The following TIA1 variants were observed in gnomAD, a reference collection of about 807,000 sequenced individuals.
The protein encoded by TIA1 is TIA1 cytotoxic granule associated RNA binding protein, also known as cytotoxic granule associated RNA binding protein TIA1.
TIA1 carries 23 observed loss-of-function variants against 65.9 expected under a neutral mutation model. That is an observed-to-expected ratio of 0.35 (90% CI 0.25 to 0.49). The LOEUF (loss-of-function observed/expected upper bound fraction) is 0.49. TIA1 is among the 20% of genes least tolerant of loss of function. The pLI is 0.98. For missense variants in TIA1, 371 were observed against 477.9 expected (o/e 0.78, Z 2.09); for synonymous variants, 147 against 149.4 (o/e 0.98, Z 0.12).
chr2:70,239,434 T>A (rs1415738023), intron 1 of TIA1, among the ~76,000 whole-genome samples: 1 of 151,982 alleles, frequency 6.6e-6, no homozygotes, highest in Non-Finnish European at 1.5e-5. Flanking sequence ...GATTTTGAGA[T>A]GAGATTACCT....
intron 1 of TIA1, among the ~76,000 whole-genome samples, chr2:70,242,860 A>G (rs763675556): frequency 3.3e-5 from 5 of 152,026 alleles, no homozygotes; most frequent in Non-Finnish European, 7.4e-5. Flanking sequence ...CTGAGGTGGA[A>G]CAGTTTCATC....
intron 10 of TIA1, chr2:70,215,762 T>G (rs946083071): frequency 2.8e-6 from 1 of 354,980 alleles, no homozygotes; most frequent in African/African-American, 2.1e-5. Context: ...AATTTTTTTT[T>G]TTTGAGATGG....
At chr2:70,227,876 A>AATTCT in intron 5 of TIA1, 54 bp from the exon 6 acceptor site, 1 of 1,202,146 alleles carries the variant, frequency 8.3e-7, no homozygotes, top group Non-Finnish European at 1.2e-6. Context: ...TTAGAATTTA[A>AATTCT]AAAGTACTAA....
chr2:70,213,245 G>A (rs551475147), intron 12 of TIA1, among the ~76,000 whole-genome samples: 5 of 151,314 alleles, frequency 3.3e-5, no homozygotes, highest in Non-Finnish European at 7.4e-5. Context: ...TCCCTACAAC[G>A]AAAAAGGAAC....
At chr2:70,224,018 A>G (rs1275898710) in intron 7 of TIA1, among the ~76,000 whole-genome samples, 1 of 152,090 alleles carries the variant, frequency 6.6e-6, no homozygotes, top group Non-Finnish European at 1.5e-5. Context: ...CCTGGGTTCA[A>G]GTGATCCTCC....
chr2:70,244,952 T>G (rs999744879), intron 1 of TIA1, among the ~76,000 whole-genome samples: 1 of 150,650 alleles, frequency 6.6e-6, no homozygotes, highest in Non-Finnish European at 1.5e-5. Flanking sequence ...GAATGAAAGA[T>G]GAGCATGGAG....
intron 1 of TIA1, among the ~76,000 whole-genome samples, chr2:70,244,310 TTA>T (rs1212278798): frequency 2.6e-5 from 4 of 152,206 alleles, no homozygotes; most frequent in African/African-American, 9.7e-5. Flanking sequence ...ATACCCTGCA[TTA>T]TGTTTCTCCA....
chr2:70,228,775 A>G lies in TIA1; in HGVS notation c.310+284T>C, dbSNP rs964392. The G allele has an allele frequency of 0.43, 567,344 of 1,323,436 alleles. 130,325 individuals carry two copies. Among genetic ancestry groups the G allele is most frequent in the African/African-American group, 0.84 (56,732 of 67,248 alleles). 82.0% of individuals were successfully genotyped at this position (1,323,436 alleles called of 1,614,324 possible). On this transcript the variant is annotated intron_variant, in intron 5 of 12. Coordinates refer to ENST00000433529, the MANE Select transcript of TIA1 (RefSeq NM_022173.4). The stretch of plus-strand genomic sequence containing the variant: ...TTGGAAGATCTGGGTATGAAGCCCA[A>G]ATGGTGACCTCAAGAAAGGAGGGTA...
In TIA1 at chr2:70,215,679, T is replaced by G. The variant is rs1041632736; in HGVS notation, c.765-185A>C. On this transcript the variant is annotated intron_variant, in intron 10 of 12. Transcript: ENST00000433529. ...AACTTGTGTTAACAAAGAATGTGTG[T>G]TTCACTGGCCTTGTGTTAGGGAGGG... The G allele has an allele frequency of 5.4e-6, 3 of 559,540 alleles. No homozygotes were observed. In the African/African-American group the frequency reaches 5.7e-5, roughly 11 times the overall value. 34.7% of individuals were successfully genotyped at this position (559,540 alleles called of 1,614,324 possible).
At chr2:70,243,096 C>A (rs1258902821) in intron 1 of TIA1, among the ~76,000 whole-genome samples, 1 of 152,080 alleles carries the variant, frequency 6.6e-6, no homozygotes, top group Non-Finnish European at 1.5e-5. Flanking sequence ...TTAAGTTACC[C>A]TAGAGGGAAA....
At chr2:70,247,419 T>C (rs1281195442) in intron 1 of TIA1, among the ~76,000 whole-genome samples, 4 of 152,160 alleles carry the variant, frequency 2.6e-5, no homozygotes, top group African/African-American at 9.7e-5. Context: ...CATGGAGCTC[T>C]CAAACTGCCA....
chr2:70,224,738 C>A (rs761807961), intron 6 of TIA1, 109 bp from the exon 7 acceptor site: 427 of 1,470,524 alleles, frequency 2.9e-4, no homozygotes, highest in Non-Finnish European at 3.5e-4. Context: ...TAAAGTGAAC[C>A]TTTAATGCAA....
Position 70,216,907 on chromosome 2 carries a change from C to T in TIA1, c.562G>A (p.Ala188Thr), listed in dbSNP as rs756853891. The change falls in exon 8 of 13, where the codon GCT becomes ACT. Residue 188 changes from alanine (A) to threonine (T), a missense_variant. Coordinates refer to ENST00000433529, the MANE Select transcript of TIA1 (RefSeq NM_022173.4). ...RTNWATRKPP[A>T]PKSTYESNTK... ...CTACACTCATATGTACTCTTTGGAGCGGGAGGCTTTCGGGTTGCCCAGTTA... is the reference window on the plus strand; with the variant it reads ...CTACACTCATATGTACTCTTTGGAGTGGGAGGCTTTCGGGTTGCCCAGTTA... 39 of 1,613,908 alleles carry T rather than the reference C, an allele frequency of 2.4e-5. No individual in the cohort carries two copies. The highest frequency in any genetic ancestry group is 5.3e-5 in the African/African-American group (4 of 74,890).
Position 70,232,721 on chromosome 2 carries a change from C to T in TIA1, c.124-1867G>A, listed in dbSNP as rs193285515. Among the ~76,000 whole-genome samples the T allele has an allele frequency of 1.2e-3, 178 of 149,750 alleles. 4 individuals carry two copies. In the South Asian group the frequency reaches 0.022, roughly 18 times the overall value. The stretch of plus-strand genomic sequence containing the variant: ...TCATCTCTACTAAAAATACAAAAAT[C>T]AGCTGGGTGTGGTGGCGTGTGCTTG... On this transcript the variant is annotated intron_variant, in intron 2 of 12. Coordinates refer to ENST00000433529, the MANE Select transcript of TIA1 (RefSeq NM_022173.4).
intron 5 of TIA1, 85 bp from the exon 6 acceptor site, chr2:70,227,907 C>A: frequency 2.4e-6 from 2 of 835,480 alleles, no homozygotes; most frequent in Non-Finnish European, 3.8e-6. Flanking sequence ...ATAAAGTATT[C>A]TTAAAATGAT....
Position 70,220,453 on chromosome 2 carries a change from T to C in TIA1, c.475-3459A>G, listed in dbSNP as rs148384789. ...TATATGGATACACAAAGAGAGAAGATGGTCATGTGAAGATGAAGGCAGAGA... is the reference window on the plus strand; with the variant it reads ...TATATGGATACACAAAGAGAGAAGACGGTCATGTGAAGATGAAGGCAGAGA... On this transcript the variant is annotated intron_variant, in intron 7 of 12. Transcript: ENST00000433529. Among the ~76,000 whole-genome samples the C allele has an allele frequency of 2.9e-3, 433 of 151,746 alleles. 1 individual carries two copies. Among genetic ancestry groups the C allele is most frequent in the Middle Eastern group, 6.8e-3 (2 of 294 alleles).
chr2:70,240,822 A>G (rs1000766132), intron 1 of TIA1, among the ~76,000 whole-genome samples: 3 of 152,246 alleles, frequency 2.0e-5, no homozygotes, highest in Admixed American at 6.5e-5. Flanking sequence ...CAGTGAGCTC[A>G]TATTACACCA....
chr2:70,235,779 A>G (rs868196451), intron 2 of TIA1, among the ~76,000 whole-genome samples: 4 of 152,232 alleles, frequency 2.6e-5, no homozygotes, highest in African/African-American at 9.6e-5. Flanking sequence ...TGATGCCTCA[A>G]TGCACCTGAA....
intron 11 of TIA1, 78 bp from the exon 12 acceptor site, chr2:70,214,572 G>A: frequency 1.9e-6 from 2 of 1,077,008 alleles, no homozygotes; most frequent in Non-Finnish European, 1.2e-6. Flanking sequence ...CAAATTCTTA[G>A]CCAAAACACA....
Sources: allele counts gnomAD v4.1 joint callset (sites outside exome capture counted in the v4.1 genomes callset), GRCh38; gene constraint gnomAD v4.1.1; transcripts MANE v1.5; gene names NCBI Gene and HGNC (gene_info 2026-07-23, HGNC 2026-07-21).